PHLDB2: variants seen among roughly 807,000 people sequenced by gnomAD.
PHLDB2 encodes the protein pleckstrin homology like domain family B member 2.
PHLDB2 carries 71 observed loss-of-function variants against 123.6 expected under a neutral mutation model. That is an observed-to-expected ratio of 0.57 (90% CI 0.47 to 0.70). The LOEUF is 0.70. Ranked by LOEUF, PHLDB2 falls within the 30% of genes least tolerant of loss-of-function variation. The probability of loss-of-function intolerance (pLI) is 0.00; values close to 1 mark genes in which losing one functional copy is unlikely to be tolerated. For synonymous variants in PHLDB2, 547 were observed against 541.6 expected (o/e 1.01, Z -0.14); for missense variants, 1,446 against 1,519.5 (o/e 0.95, Z 0.80).
At chr3:111,934,530 A>G (rs552772856) in intron 6 of PHLDB2, among the ~76,000 whole-genome samples, 6 of 152,364 alleles carry the variant, frequency 3.9e-5, no homozygotes, top group Non-Finnish European at 7.4e-5. Flanking sequence ...ATTAAACTGC[A>G]TATTGAATAC....
chr3:111,893,921 T>TTATTTATTTTG (rs2066653487), intron 2 of PHLDB2, among the ~76,000 whole-genome samples: 1 of 150,254 alleles, frequency 6.7e-6, no homozygotes, highest in African/African-American at 2.4e-5. Context: ...TATTTATTTT[T>TTATTTATTTTG]TATTATACTT....
intron 1 of PHLDB2, among the ~76,000 whole-genome samples, chr3:111,816,071 CT>C (rs1420870388): frequency 6.6e-6 from 1 of 151,156 alleles, no homozygotes; most frequent in Non-Finnish European, 1.5e-5. Context: ...AGAATTGAGG[CT>C]TTAGAACTTC....
rs772782193 is a variant in PHLDB2, at chr3:111,782,254, T to C, written c.-49+49551T>C. On this transcript the variant is annotated intron_variant, in intron 1 of 17. Coordinates refer to the PHLDB2 transcript ENST00000393923. ...TTTTTACTGGGAACAACCTTAGTTATACATGGAACTTCCTATTCTCAGTCC... is the reference window on the plus strand; with the variant it reads ...TTTTTACTGGGAACAACCTTAGTTACACATGGAACTTCCTATTCTCAGTCC... 9.1e-4 allele frequency among the ~76,000 whole-genome samples: 138 copies of C among 152,114 alleles called. 5 individuals are homozygous for C. The highest frequency in any genetic ancestry group is 3.5e-4 in the Non-Finnish European group (24 of 67,988).
chr3:111,808,458 C>T (rs969890053), intron 1 of PHLDB2, among the ~76,000 whole-genome samples: 11 of 151,174 alleles, frequency 7.3e-5, no homozygotes, highest in Non-Finnish European at 1.5e-4. Flanking sequence ...TTTGAGTCCT[C>T]GGTCAGAGCT....
At chr3:111,738,281 A>T (rs2059544073) in intron 1 of PHLDB2, among the ~76,000 whole-genome samples, 1 of 152,206 alleles carries the variant, frequency 6.6e-6, no homozygotes, top group South Asian at 2.1e-4. Context: ...TTGATAAATT[A>T]TAGTCCAACA....
chr3:111,970,114 A>G (rs1466749953), intron 16 of PHLDB2, among the ~76,000 whole-genome samples: 2 of 152,144 alleles, frequency 1.3e-5, no homozygotes, highest in South Asian at 2.1e-4. Context: ...AATAAACTTT[A>G]TATGTTACTT....
intron 1 of PHLDB2, among the ~76,000 whole-genome samples, chr3:111,743,876 C>T (rs145624589): frequency 6.6e-6 from 1 of 152,310 alleles, no homozygotes; most frequent in East Asian, 1.9e-4. Flanking sequence ...TCATAAATCA[C>T]ACTCTTAATG....
intron 2 of PHLDB2, among the ~76,000 whole-genome samples, chr3:111,908,389 A>G (rs2067680568): frequency 6.6e-6 from 1 of 152,158 alleles, no homozygotes; most frequent in Admixed American, 6.5e-5. Flanking sequence ...ATAATGTAGA[A>G]GTCCATTAGT....
chr3:111,943,541 A>C (rs1298555960), intron 8 of PHLDB2, among the ~76,000 whole-genome samples: 1 of 152,180 alleles, frequency 6.6e-6, no homozygotes, highest in Non-Finnish European at 1.5e-5. Flanking sequence ...CACATCAATA[A>C]TAATAGCAAT....
intron 2 of PHLDB2, among the ~76,000 whole-genome samples, chr3:111,852,325 A>G (rs141094794): frequency 7.4e-5 from 11 of 148,444 alleles, no homozygotes; most frequent in African/African-American, 2.4e-4. Context: ...TATTATATAT[A>G]CAATTATGTT....
intron 1 of PHLDB2, among the ~76,000 whole-genome samples, chr3:111,837,139 G>A (rs2063449419): frequency 6.6e-6 from 1 of 152,106 alleles, no homozygotes; most frequent in African/African-American, 2.4e-5. Context: ...GTGTATTAAG[G>A]GGTATAATGC....
At position 111,919,131 on chromosome 3, in the gene PHLDB2, C is replaced by G; in HGVS notation, c.1779C>G (p.Thr593=). The G allele has an allele frequency of 6.2e-7, 1 of 1,613,894 alleles. No homozygotes were observed. Among genetic ancestry groups the G allele is most frequent in the Non-Finnish European group, 8.5e-7 (1 of 1,179,806 alleles). Residue 593 remains threonine, a synonymous_variant, in exon 4 of 18, where the codon ACC becomes ACG. Coordinates refer to ENST00000431670, the MANE Select transcript of PHLDB2 (RefSeq NM_001134438.2). ...RSQELAAMEE[T]RIVILNNLEE... ...AGGAGTTGGCTGCAATGGAAGAAAC[C>G]CGGATAGTCATTCTGAACAACCTCG...
At chr3:111,781,774 T>C (rs2060484599) in intron 1 of PHLDB2, among the ~76,000 whole-genome samples, 1 of 152,144 alleles carries the variant, frequency 6.6e-6, no homozygotes. Context: ...TTCTTAAGCA[T>C]AGTAAGTACA....
At chr3:111,966,191 A>T (rs1048231003) in intron 13 of PHLDB2, among the ~76,000 whole-genome samples, 4 of 152,182 alleles carry the variant, frequency 2.6e-5, no homozygotes, top group Non-Finnish European at 5.9e-5. Flanking sequence ...AACGTTGGTG[A>T]TAGTCTTGTT....
At chr3:111,844,752 A>G (rs2063871084) in intron 1 of PHLDB2, among the ~76,000 whole-genome samples, 1 of 152,168 alleles carries the variant, frequency 6.6e-6, no homozygotes. Context: ...AATGTACATC[A>G]CTGGTTATGT....
chr3:111,744,152 A>G (rs1028813061), intron 1 of PHLDB2, among the ~76,000 whole-genome samples: 1 of 152,212 alleles, frequency 6.6e-6, no homozygotes, highest in Non-Finnish European at 1.5e-5. Context: ...TGAACTGACA[A>G]CTCACAAAAG....
At chr3:111,764,758 G>A (rs1424129015) in intron 1 of PHLDB2, among the ~76,000 whole-genome samples, 1 of 152,192 alleles carries the variant, frequency 6.6e-6, no homozygotes, top group African/African-American at 2.4e-5. Flanking sequence ...CTTTAATGGA[G>A]AACACAATAG....
At chr3:111,758,246 G>C (rs1489157088) in intron 1 of PHLDB2, among the ~76,000 whole-genome samples, 1 of 152,194 alleles carries the variant, frequency 6.6e-6, no homozygotes, top group Non-Finnish European at 1.5e-5. Context: ...TTGAGCTGTG[G>C]TGGGCTCCAC....
chr3:111,857,449 T>TC (rs2064563736), upstream of PHLDB2, among the ~76,000 whole-genome samples: 1 of 19,850 alleles, frequency 5.0e-5, no homozygotes, highest in South Asian at 1.6e-3. Flanking sequence ...AGGCCCTGTC[T>TC]CAAAAAAAAA....
Sources: allele counts gnomAD v4.1 joint callset (sites outside exome capture counted in the v4.1 genomes callset), GRCh38; gene constraint gnomAD v4.1.1; transcripts MANE v1.5; gene names NCBI Gene and HGNC (gene_info 2026-07-23, HGNC 2026-07-21).